Variants in SEC14L1 observed in about 807,000 individuals in gnomAD.
SEC14L1 encodes the protein SEC14-like protein 1.
In SEC14L1, 48 loss-of-function variants were observed where a neutral mutation model predicts 85.3. That is an observed-to-expected ratio of 0.56 (90% CI 0.45 to 0.72). SEC14L1 has a LOEUF of 0.72. Ranked by LOEUF, SEC14L1 falls within the 30% of genes least tolerant of loss-of-function variation. SEC14L1 has a pLI of 0.00. For synonymous variants in SEC14L1, 391 were observed against 355.5 expected (o/e 1.10, Z -1.12); for missense variants, 682 against 921.4 (o/e 0.74, Z 3.36).
At chr17:77,113,174 G>A (rs1303329162) in intron 3 of SEC14L1, among the ~76,000 whole-genome samples, 1 of 152,046 alleles carries the variant, frequency 6.6e-6, no homozygotes. Context: ...ACAAAAAAAA[G>A]AAAGAAAAGA....
intron 6 of SEC14L1, 127 bp downstream of exon 6, chr17:77,193,676 C>A: frequency 1.0e-6 from 1 of 958,250 alleles, no homozygotes; most frequent in Non-Finnish European, 1.6e-6. Flanking sequence ...ATGCTATGAT[C>A]CCTACCCCCT....
rs369869142 is a variant in SEC14L1 at position 77,206,876 on chromosome 17, C to T, written c.1476+14C>T. On this transcript the variant is annotated intron_variant, in intron 13 of 16. Coordinates refer to ENST00000436233, the MANE Select transcript of SEC14L1 (RefSeq NM_001143998.2). This position sits in a 1 kb window ranked among gnomAD's most constrained non-coding sequence, Gnocchi z 4.3. Reference sequence around the variant, plus strand: ...GGGGAGTGCATGGTATGTCCTGAGGCGAGGAACTGCACATTTGGCCCCTTA... The same window carrying T: ...GGGGAGTGCATGGTATGTCCTGAGGTGAGGAACTGCACATTTGGCCCCTTA... 5 of 1,534,622 alleles carry T rather than the reference C, an allele frequency of 3.3e-6. No individual in the cohort carries two copies. The highest frequency in any genetic ancestry group is 2.4e-5 in the East Asian group (1 of 42,476).
In SEC14L1 at chr17:77,091,510, T is replaced by G. The variant is rs185746478; in HGVS notation, c.-239-1734T>G. On this transcript the variant is annotated intron_variant, in intron 2 of 19. Coordinates refer to the SEC14L1 transcript ENST00000392476. ...TTTCTGCAATGATGGAAATGGCCTA[T>G]CTGACCATTTTATGCTATCCAGAGC... is the stretch of plus-strand genomic sequence containing the variant. 4.9e-3 allele frequency among the ~76,000 whole-genome samples: 753 copies of G among 152,342 alleles called. 4 individuals are homozygous for G. Among genetic ancestry groups the G allele is most frequent in the Admixed American group, 7.9e-3 (121 of 15,288 alleles).
intron 13 of SEC14L1, 144 bp downstream of exon 13, chr17:77,207,006 G>C: frequency 1.2e-6 from 1 of 814,924 alleles, no homozygotes; most frequent in South Asian, 2.2e-5. Flanking sequence ...CCATTTCTCT[G>C]ATCCAGGGTT....
intron 3 of SEC14L1, among the ~76,000 whole-genome samples, chr17:77,157,135 T>C (rs556583080): frequency 6.6e-5 from 10 of 152,214 alleles, no homozygotes; most frequent in Non-Finnish European, 1.5e-4. Context: ...TTCTTTTCTT[T>C]TTCCTAGTTT....
At chr17:77,197,812 G>A (rs1307592522) in intron 8 of SEC14L1, among the ~76,000 whole-genome samples, 1 of 152,082 alleles carries the variant, frequency 6.6e-6, no homozygotes, top group Non-Finnish European at 1.5e-5. Flanking sequence ...CACCATGTTG[G>A]CCAGGCTGGT....
upstream of SEC14L1, among the ~76,000 whole-genome samples, chr17:77,136,766 T>C (rs1046292745): frequency 2.6e-5 from 4 of 152,122 alleles, no homozygotes; most frequent in Non-Finnish European, 4.4e-5. Flanking sequence ...AGACACACTG[T>C]GGTAATGGCA....
intron 3 of SEC14L1, among the ~76,000 whole-genome samples, chr17:77,112,702 G>A (rs1043725428): frequency 1.5e-4 from 23 of 150,360 alleles, no homozygotes; most frequent in Admixed American, 1.3e-3. Context: ...TGGCTAACAC[G>A]GTGAAACCCC....
At chr17:77,207,802 C>T (rs1301581749) in intron 13 of SEC14L1, among the ~76,000 whole-genome samples, 1 of 152,142 alleles carries the variant, frequency 6.6e-6, no homozygotes, top group Non-Finnish European at 1.5e-5. Flanking sequence ...TCTCAACATA[C>T]GTTTGGGGTT....
intron 3 of SEC14L1, among the ~76,000 whole-genome samples, chr17:77,163,613 A>G (rs1974161499): frequency 6.6e-6 from 1 of 152,170 alleles, no homozygotes; most frequent in Non-Finnish European, 1.5e-5. Context: ...GAGCCTGTTC[A>G]CTTGCAGAGA....
chr17:77,216,448 A>C lies in SEC14L1; in HGVS notation c.*2425A>C, dbSNP rs533559548. On this transcript the variant is annotated 3_prime_UTR_variant, in exon 17 of 17. Coordinates refer to ENST00000436233, the MANE Select transcript of SEC14L1 (RefSeq NM_001143998.2). The stretch of plus-strand genomic sequence containing the variant: ...GTAGGTAGGGTTCGTAGGTAGGGTT[A>C]GTAGCGCGTCTGTGCTGCTTCCACC... 2.6e-5 allele frequency: 41 copies of C among 1,601,268 alleles called. No individual in the cohort carries two copies. The highest frequency in any genetic ancestry group is 3.4e-4 in the Middle Eastern group (2 of 5,840).
chr17:77,209,214 C>T, intron 13 of SEC14L1, 128 bp from the exon 14 acceptor site: 2 of 1,076,686 alleles, frequency 1.9e-6, no homozygotes, highest in Non-Finnish European at 2.7e-6. Context: ...ACGACCCTGC[C>T]AGTGTTTTCC....
intron 5 of SEC14L1, 71 bp downstream of exon 5, chr17:77,191,383 T>A: frequency 1.3e-6 from 2 of 1,539,580 alleles, no homozygotes; most frequent in Non-Finnish European, 9.0e-7. Context: ...TGATCACCAT[T>A]TTAAACAGTG....
chr17:77,116,839 C>A (rs1187039468), intron 3 of SEC14L1, among the ~76,000 whole-genome samples: 1 of 152,136 alleles, frequency 6.6e-6, no homozygotes, highest in Non-Finnish European at 1.5e-5. Context: ...GTAAGTGGGA[C>A]TGTAGAAGTC....
chr17:77,104,213 G>A (rs1971850285), intron 3 of SEC14L1, among the ~76,000 whole-genome samples: 1 of 149,076 alleles, frequency 6.7e-6, no homozygotes. Context: ...TCCGCCTTCT[G>A]GGTTCAAGCA....
chr17:77,189,632 G>A (rs758343693), intron 3 of SEC14L1, among the ~76,000 whole-genome samples: 4 of 151,370 alleles, frequency 2.6e-5, no homozygotes, highest in Non-Finnish European at 5.9e-5. Flanking sequence ...CAGGGGTTTT[G>A]TTTTGTTTTG....
At chr17:77,131,897 G>A (rs901826812) in intron 3 of SEC14L1, among the ~76,000 whole-genome samples, 11 of 152,212 alleles carry the variant, frequency 7.2e-5, no homozygotes, top group African/African-American at 2.4e-4. Context: ...TAGTCATAGG[G>A]AGTTTGCCTC....
chr17:77,181,960 A>T (rs979933410), intron 3 of SEC14L1, among the ~76,000 whole-genome samples: 2 of 151,824 alleles, frequency 1.3e-5, no homozygotes, highest in African/African-American at 4.8e-5. Flanking sequence ...TGATATGTTG[A>T]ATACTTGTTT....
intron 3 of SEC14L1, among the ~76,000 whole-genome samples, chr17:77,104,242 G>A (rs558675760): frequency 6.7e-6 from 1 of 149,342 alleles, no homozygotes; most frequent in African/African-American, 2.5e-5. Context: ...GCCTCAGTCA[G>A]CCTCCTGAGT....
Sources: allele counts gnomAD v4.1 joint callset (sites outside exome capture counted in the v4.1 genomes callset), GRCh38; gene constraint gnomAD v4.1.1; non-coding constraint Gnocchi (gnomAD v3.1); transcripts MANE v1.5; gene names NCBI Gene and HGNC (gene_info 2026-07-23, HGNC 2026-07-21).